CTXN2: variants seen among roughly 807,000 people sequenced by gnomAD.
The protein encoded by CTXN2 is cortexin 2, also known as cortexin-2.
A neutral mutation model predicts 5.7 loss-of-function variants in CTXN2; 3 were observed. That is an observed-to-expected ratio of 0.53 (90% CI 0.24 to 1.36). The LOEUF (loss-of-function observed/expected upper bound fraction) is 1.36. Among genes scored for constraint, CTXN2 ranks in the 40% most tolerant of loss-of-function variants. CTXN2 has a pLI of 0.17. For synonymous variants in CTXN2, 38 were observed against 36.4 expected, an observed-to-expected ratio of 1.04 and a Z score of -0.16; for missense variants, 87 against 93.0, an observed-to-expected ratio of 0.94 and a Z score of 0.26.
Position 48,191,750 on chromosome 15 carries a change from A to G in CTXN2, c.-161A>G, listed in dbSNP as rs1315316856. The G allele has an allele frequency of 2.2e-6, 1 of 455,932 alleles. No individual in the cohort carries two copies. Among genetic ancestry groups the G allele is most frequent in the Non-Finnish European group, 4.4e-6 (1 of 226,802 alleles). 28.2% of individuals were successfully genotyped at this position (455,932 alleles called of 1,614,324 possible). On this transcript the variant is annotated 5_prime_UTR_variant, in exon 1 of 2. Coordinates refer to ENST00000417307, the MANE Select transcript of CTXN2 (RefSeq NM_001145668.2). ...TGTGACTCTACGCAGGTTCCAGAACACGCCTTCTACATTTGTTACTGAACC... is the reference window on the plus strand; with the variant it reads ...TGTGACTCTACGCAGGTTCCAGAACGCGCCTTCTACATTTGTTACTGAACC...
At chr15:48,189,840 G>A (rs928167188), upstream of CTXN2, among the ~76,000 whole-genome samples, 18 of 151,904 alleles carry the variant, frequency 1.2e-4, no homozygotes, top group African/African-American at 1.7e-4. Flanking sequence ...ACAATGTCTC[G>A]CTCTGTCACC....
chr15:48,199,517 A>G (rs1336391351), intron 1 of CTXN2, among the ~76,000 whole-genome samples: 1 of 152,240 alleles, frequency 6.6e-6, no homozygotes, highest in Non-Finnish European at 1.5e-5. Context: ...TTGGTCCAAC[A>G]TCTCTATAGA....
chr15:48,182,439 C>G (rs2040707923), intron 1 of CTXN2, among the ~76,000 whole-genome samples: 1 of 152,158 alleles, frequency 6.6e-6, no homozygotes, highest in Non-Finnish European at 1.5e-5. Flanking sequence ...TATTACAGCC[C>G]TTTTCCTCAA....
At chr15:48,193,767 TATC>T (rs2040849866) in intron 1 of CTXN2, among the ~76,000 whole-genome samples, 1 of 152,158 alleles carries the variant, frequency 6.6e-6, no homozygotes, top group African/African-American at 2.4e-5. Flanking sequence ...AATATTTTCA[TATC>T]ATATTATGCT....
upstream of CTXN2, among the ~76,000 whole-genome samples, chr15:48,187,449 C>T (rs1259457781): frequency 2.0e-5 from 3 of 152,122 alleles, no homozygotes; most frequent in Non-Finnish European, 1.5e-5. Flanking sequence ...AATTAAAAAG[C>T]ACAGCTACAT....
At chr15:48,186,065 C>T (rs2040750893) in intron 1 of CTXN2, among the ~76,000 whole-genome samples, 1 of 152,190 alleles carries the variant, frequency 6.6e-6, no homozygotes, top group African/African-American at 2.4e-5. Flanking sequence ...TTAAGCTAAT[C>T]TCTATATACT....
chr15:48,186,775 T>C (rs550684435), upstream of CTXN2, among the ~76,000 whole-genome samples: 1 of 151,882 alleles, frequency 6.6e-6, no homozygotes, highest in East Asian at 1.9e-4. Flanking sequence ...CCAGGCCTGA[T>C]GGCATGTGCT....
intron 1 of CTXN2, 197 bp downstream of exon 1, chr15:48,192,050 C>T (rs138824928): frequency 1.0e-3 from 331 of 323,556 alleles, no homozygotes; most frequent in African/African-American, 6.8e-3. Flanking sequence ...AACAGCACCC[C>T]TAATGCTAGC....
At position 48,195,122 on chromosome 15, in the gene CTXN2, G is replaced by T. The variant is rs570218942; in HGVS notation, c.-58+3269G>T. 1.4e-4 allele frequency among the ~76,000 whole-genome samples: 21 copies of T among 152,156 alleles called. 1 individual carries two copies. In the South Asian group the frequency reaches 4.4e-3, roughly 32 times the overall value. ...ATTCACCAAGTCCAGAAATAAACTT[G>T]TCATTTACTTTTTAAGTCTATGCTT... is the stretch of plus-strand genomic sequence containing the variant. On this transcript the variant is annotated intron_variant, in intron 1 of 1. Transcript: ENST00000417307.
At chr15:48,193,013 CTA>C (rs1315264934) in intron 1 of CTXN2, among the ~76,000 whole-genome samples, 3 of 152,276 alleles carry the variant, frequency 2.0e-5, no homozygotes, top group African/African-American at 7.2e-5. Context: ...TATAAAAATA[CTA>C]TCATCTTTGC....
At chr15:48,197,219 T>G (rs913503885) in intron 1 of CTXN2, among the ~76,000 whole-genome samples, 3 of 152,014 alleles carry the variant, frequency 2.0e-5, no homozygotes, top group Non-Finnish European at 4.4e-5. Context: ...AAAGGCTGTT[T>G]CCACAAATTT....
At position 48,203,594 on chromosome 15, in the gene CTXN2, G is replaced by A. The variant is rs1001120747; in HGVS notation, c.*2048G>A. On this transcript the variant is annotated 3_prime_UTR_variant, in exon 2 of 2. Coordinates refer to ENST00000417307, the MANE Select transcript of CTXN2 (RefSeq NM_001145668.2). The stretch of plus-strand genomic sequence containing the variant: ...CATTTTGATGACTAGAACAAACCAA[G>A]GCCAGATCTTTATTTCAAAGGAAGA... 1 of 166,520 alleles carries A rather than the reference G, an allele frequency of 6.0e-6. No homozygotes were observed. 10.3% of individuals were successfully genotyped at this position (166,520 alleles called of 1,614,324 possible). A position where few individuals can be genotyped will look rare whatever the true frequency, so the allele number is the denominator to read the frequency against.
chr15:48,181,648 CA>C (rs1418539064), intron 1 of CTXN2, among the ~76,000 whole-genome samples: 19 of 152,060 alleles, frequency 1.2e-4, no homozygotes, highest in African/African-American at 4.6e-4. Flanking sequence ...TGGTGGCTAA[CA>C]TTTCTATGGT....
chr15:48,201,245 C>A lies in CTXN2; in HGVS notation c.-56C>A, dbSNP rs899035794. 27 of 1,536,384 alleles carry A rather than the reference C, an allele frequency of 1.8e-5. No individual in the cohort carries two copies. Among genetic ancestry groups the A allele is most frequent in the Non-Finnish European group, 2.0e-5 (23 of 1,136,592 alleles). The stretch of plus-strand genomic sequence containing the variant: ...AACTGAGTCCAATTTTGTACCTAGG[C>A]AAAGAGTTGATTCCAGAAGGAACTG... On this transcript the variant is annotated splice_region_variant and 5_prime_UTR_variant, in exon 2 of 2. Coordinates refer to ENST00000417307, the MANE Select transcript of CTXN2 (RefSeq NM_001145668.2).
At chr15:48,197,845 T>A (rs1009963981) in intron 1 of CTXN2, among the ~76,000 whole-genome samples, 1 of 152,162 alleles carries the variant, frequency 6.6e-6, no homozygotes, top group African/African-American at 2.4e-5. Context: ...TGACTCTGCA[T>A]ATCTACTCAT....
upstream of CTXN2, among the ~76,000 whole-genome samples, chr15:48,188,172 G>A (rs1048330411): frequency 6.6e-6 from 1 of 151,674 alleles, no homozygotes; most frequent in Non-Finnish European, 1.5e-5. Flanking sequence ...ATAATTAAAA[G>A]AAAATAATAT....
chr15:48,189,453 G>T (rs2040792274), upstream of CTXN2: 1 of 152,168 alleles, frequency 6.6e-6, no homozygotes, highest in Admixed American at 6.5e-5. Context: ...TATTGGAGTG[G>T]TGCTTATACA....
chr15:48,195,507 G>T (rs190926020), intron 1 of CTXN2, among the ~76,000 whole-genome samples: 2 of 152,096 alleles, frequency 1.3e-5, no homozygotes, highest in East Asian at 3.9e-4. Context: ...CCTTTCCAAC[G>T]CTTTGTTTCC....
In CTXN2 at chr15:48,201,768, G is replaced by T; in HGVS notation, c.*222G>T. The T allele has an allele frequency of 1.8e-6, 1 of 543,720 alleles. No homozygotes were observed. The highest frequency in any genetic ancestry group is 2.4e-5 in the South Asian group (1 of 41,420). The allele number at this position is 543,720 out of a possible 1,614,324, so 33.7% of individuals were successfully genotyped here. A position where few individuals can be genotyped will look rare whatever the true frequency, so the allele number is the denominator to read the frequency against. ...AGGTTTCCAATGAATAGAGCATAAG[G>T]ATGGCTGCCGCCATGTTTACCATCT... On this transcript the variant is annotated 3_prime_UTR_variant, in exon 2 of 2. Transcript: ENST00000417307.
Sources: gnomAD v4.1 joint callset for allele counts (sites outside exome capture counted in the v4.1 genomes callset) on GRCh38, gnomAD v4.1.1 for gene constraint, MANE v1.5 for transcripts, NCBI Gene and HGNC (gene_info 2026-07-23, HGNC 2026-07-21) for gene names.